Variants in KRT39 observed in about 807,000 individuals in gnomAD.
KRT39 encodes keratin 39.
Under a neutral mutation model 54.8 loss-of-function variants are expected in KRT39, and 47 were observed. The observed-to-expected ratio is 0.86, with a 90% CI of 0.68 to 1.09. The LOEUF (loss-of-function observed/expected upper bound fraction) is 1.09, where lower values mean the gene tolerates loss of function less well. Among genes scored for constraint, KRT39 ranks in the 50% least tolerant of loss-of-function variants. The pLI is 0.00. For missense variants in KRT39, 580 were observed against 598.5 expected (o/e 0.97, Z 0.32); for synonymous variants, 207 against 227.9 (o/e 0.91, Z 0.83).
In KRT39 at chr17:40,966,711, TG is replaced by T; in HGVS notation, c.145del (p.His49ThrfsTer24). 6.2e-7 allele frequency: 1 copy of T among 1,614,232 alleles called. No homozygotes were observed. Among genetic ancestry groups the T allele is most frequent in the Non-Finnish European group, 8.5e-7 (1 of 1,180,042 alleles). ...LTVNNCQPAG[H>X]VLRIPWDQGC... ...CTGGTCCCAGGGAATTCTGAGAACGTGGCCAGCTGGTTGACAGTTGTTGACT... is the reference window on the plus strand; with the variant it reads ...CTGGTCCCAGGGAATTCTGAGAACGTGCCAGCTGGTTGACAGTTGTTGACT... On this transcript the variant is annotated frameshift_variant, in exon 1 of 7. Coordinates refer to ENST00000355612, the MANE Select transcript of KRT39 (RefSeq NM_213656.4). LOFTEE classifies it high-confidence loss of function.
At chr17:40,959,171 A>G (rs1416596009) in intron 6 of KRT39, among the ~76,000 whole-genome samples, 1 of 152,238 alleles carries the variant, frequency 6.6e-6, no homozygotes, top group East Asian at 1.9e-4. Context: ...GTCCTTTACC[A>G]GCTGGTGACC....
In KRT39 at chr17:40,962,284, C is replaced by T. The variant is rs375860413; in HGVS notation, c.874G>A (p.Glu292Lys). The T allele has an allele frequency of 6.2e-7, 1 of 1,614,146 alleles. No homozygotes were observed. Among genetic ancestry groups the T allele is most frequent in the Non-Finnish European group, 8.5e-7 (1 of 1,180,014 alleles). ...GTCACCACTTGTTGATTCAGCTCCT[C>T]TATCTGAAACACACAGCCAGAGACT... ...DVEQWFNTQI[E>K]ELNQQVVTSS... Residue 292 changes from glutamate (E) to lysine (K), a missense_variant, in exon 5 of 7, where the codon GAG becomes AAG. Transcript: ENST00000355612.
chr17:40,960,202 C>G, intron 6 of KRT39, 79 bp downstream of exon 6: 1 of 1,263,234 alleles, frequency 7.9e-7, no homozygotes, highest in Non-Finnish European at 1.1e-6. Flanking sequence ...AAGCACTTGA[C>G]CCCTGTTGCC....
At chr17:40,965,772 A>G (rs959736640) in intron 1 of KRT39, among the ~76,000 whole-genome samples, 2 of 152,176 alleles carry the variant, frequency 1.3e-5, no homozygotes, top group African/African-American at 4.8e-5. Flanking sequence ...CTGTTTCCCT[A>G]TTTTTATTTA....
Position 40,958,699 on chromosome 17 carries a change from T to G in KRT39, c.1378A>C (p.Lys460Gln), listed in dbSNP as rs747942876. The change falls in exon 7 of 7, where the codon AAA becomes CAA. Residue 460 changes from lysine to glutamine, a missense_variant. Physicochemically the swap from Lys to Gln is moderately conservative, Grantham distance 53. Coordinates refer to ENST00000355612, the MANE Select transcript of KRT39 (RefSeq NM_213656.4). ...ACGPLSRILVKICTITKEIKD... is the reference protein window; with the variant it reads ...ACGPLSRILVQICTITKEIKD... ...ATCTCCTTGGTGATGGTGCAAATTT[T>G]AACCAGTATCCGGGACAGGGGTCCG... The G allele has an allele frequency of 6.8e-6, 11 of 1,614,018 alleles. 1 individual carries two copies. The South Asian group carries it at 1.1e-4, about 16-fold the overall frequency.
chr17:40,959,318 G>A (rs1911040864), intron 6 of KRT39, among the ~76,000 whole-genome samples: 1 of 152,190 alleles, frequency 6.6e-6, no homozygotes, highest in Non-Finnish European at 1.5e-5. Context: ...AAATTAACCA[G>A]ATATTTTTCT....
intron 5 of KRT39, 82 bp from the exon 6 acceptor site, chr17:40,960,583 G>T (rs890961844): frequency 9.5e-7 from 1 of 1,053,970 alleles, no homozygotes. Flanking sequence ...TAAAAAAAAT[G>T]GTTTCTTTGT....
At position 40,962,463 on chromosome 17, in the gene KRT39, C is replaced by T. The variant is rs775415813; in HGVS notation, c.809G>A (p.Cys270Tyr). The change falls in exon 4 of 7, where the codon TGT becomes TAT. Residue 270 changes from cysteine to tyrosine, a missense_variant. Physicochemically the swap from Cys to Tyr is radical, Grantham distance 194. Coordinates refer to ENST00000355612, the MANE Select transcript of KRT39 (RefSeq NM_213656.4). The part of the protein sequence containing the change: ...DLNQVLQEMR[C>Y]QYEPIMETNR... ...TGTCTCCATGATGGGCTCATATTGA[C>T]ATCTCATTTCTTGTAGAACCTGGTT... The T allele has an allele frequency of 4.3e-6, 7 of 1,614,180 alleles. No homozygotes were observed. The highest frequency in any genetic ancestry group is 5.9e-6 in the Non-Finnish European group (7 of 1,180,032).
Position 40,966,652 on chromosome 17 carries a change from G to T in KRT39, c.205C>A (p.Pro69Thr), listed in dbSNP as rs1308090966. 2 of 1,614,106 alleles carry T rather than the reference G, an allele frequency of 1.2e-6. No individual in the cohort carries two copies. Among genetic ancestry groups the T allele is most frequent in the Non-Finnish European group, 1.7e-6 (2 of 1,180,044 alleles). ...CQPTPRFCRKPIYLMNNFNAR... is the reference protein window; with the variant it reads ...CQPTPRFCRKTIYLMNNFNAR... ...TTGAAGTTGTTCATTAGGTAGATGG[G>T]CTTGCGACAAAAGCGAGGAGTGGGT... The change falls in exon 1 of 7, where the codon CCC (proline) becomes ACC (threonine). Residue 69 changes from proline (P) to threonine (T), a missense_variant. Physicochemically the swap from Pro to Thr is conservative, Grantham distance 38. Coordinates refer to ENST00000355612, the MANE Select transcript of KRT39 (RefSeq NM_213656.4).
At chr17:40,964,342 T>C in intron 2 of KRT39, 104 bp downstream of exon 2, 1 of 890,344 alleles carries the variant, frequency 1.1e-6, no homozygotes. Flanking sequence ...GCCAACATCA[T>C]CTGGGGCAAG....
chr17:40,960,573 T>TA (rs377435436), intron 5 of KRT39, 72 bp from the exon 6 acceptor site: 71 of 1,122,466 alleles, frequency 6.3e-5, no homozygotes, highest in South Asian at 1.8e-4. Context: ...CTGTATCATT[T>TA]AAAAAAAATG....
intron 6 of KRT39, 84 bp from the exon 7 acceptor site, chr17:40,958,943 T>C (rs1036127048): frequency 7.6e-7 from 1 of 1,315,040 alleles, no homozygotes; most frequent in Non-Finnish European, 1.0e-6. Context: ...CTAATTTTTT[T>C]AACACGTGTT....
Position 40,960,306 on chromosome 17 carries a change from T to A in KRT39, c.1192A>T (p.Ser398Cys), listed in dbSNP as rs1473287123. 2 of 1,613,360 alleles carry A rather than the reference T, an allele frequency of 1.2e-6. No homozygotes were observed. The highest frequency in any genetic ancestry group is 1.7e-6 in the Non-Finnish European group (2 of 1,180,004). ...TTGCCATCCGAGCTCTCCAGAAGGC[T>A]GCGGTATGTGGTAATCTCACATTCC... Reference protein sequence around the residue: ...RLECEITTYRSLLESSDGKRP... With the variant: ...RLECEITTYRCLLESSDGKRP... The change falls in exon 6 of 7, where the codon AGC (serine) becomes TGC (cysteine). Residue 398 changes from serine (S) to cysteine (C), a missense_variant. Ser to Cys is a moderately radical substitution (Grantham distance 112). Transcript: ENST00000355612.
At position 40,964,290 on chromosome 17, in the gene KRT39, T is replaced by C. The variant is rs17843019; in HGVS notation, c.551+156A>G. 0.045 allele frequency: 30,516 copies of C among 681,736 alleles called. 1,486 individuals carry two copies. The highest frequency in any genetic ancestry group is 0.17 in the East Asian group (6,770 of 39,506). The allele number at this position is 681,736 out of a possible 1,614,324, so 42.2% of individuals were successfully genotyped here. A position where few individuals can be genotyped will look rare whatever the true frequency, so the allele number is the denominator to read the frequency against. ...CTGTATACATGTGAGCAGTTATTAA[T>C]CTTAATCATTCATTGAATTTGAAAG... On this transcript the variant is annotated intron_variant, in intron 2 of 6. Coordinates refer to ENST00000355612, the MANE Select transcript of KRT39 (RefSeq NM_213656.4).
At chr17:40,966,291 A>G (rs1026361547) in intron 1 of KRT39, 98 bp downstream of exon 1, 162 of 978,056 alleles carry the variant, frequency 1.7e-4, no homozygotes, top group Non-Finnish European at 2.3e-4. Flanking sequence ...AAAAATTTTC[A>G]GCATCAACTG....
At chr17:40,960,244 A>T in intron 6 of KRT39, 37 bp downstream of exon 6, 1 of 1,574,190 alleles carries the variant, frequency 6.4e-7, no homozygotes, top group Non-Finnish European at 8.7e-7. Context: ...GTTCATTTAC[A>T]CTTTTTTGTC....
In KRT39 at chr17:40,964,513, C is replaced by G. The variant is rs1443906438; in HGVS notation, c.484G>C (p.Ala162Pro). 12 of 1,612,258 alleles carry G rather than the reference C, an allele frequency of 7.4e-6. No homozygotes were observed. Among genetic ancestry groups the G allele is most frequent in the African/African-American group, 1.3e-5 (1 of 74,858 alleles). Residue 162 changes from alanine to proline, a missense_variant, in exon 2 of 7, where the codon GCC becomes CCC. Transcript: ENST00000355612. ...ELQQKILCTK[A>P]ENSRLVSQID... is the part of the protein sequence containing the mutation. ...TGCGAGACCAGTCTGGAATTCTCGGCCTTGGTACACAAGATCTAGAATTAA... is the reference window on the plus strand; with the variant it reads ...TGCGAGACCAGTCTGGAATTCTCGGGCTTGGTACACAAGATCTAGAATTAA...
At chr17:40,963,857 C>A in intron 2 of KRT39, 74 bp from the exon 3 acceptor site, 1 of 1,242,220 alleles carries the variant, frequency 8.1e-7, no homozygotes. Flanking sequence ...GAACTCTCAT[C>A]TGCATTTTGC....
chr17:40,963,659 C>T lies in KRT39; in HGVS notation c.676G>A (p.Glu226Lys), dbSNP rs140648236. ...LEAQVQSLKE[E>K]LLCLKNNHKE... Reference sequence around the variant, plus strand: ...TGGTTGTTCTTGAGGCAAAGGAGCTCCTCTTTCAGAGACTGGACTTGTGCC... The same window carrying T: ...TGGTTGTTCTTGAGGCAAAGGAGCTTCTCTTTCAGAGACTGGACTTGTGCC... The change falls in exon 3 of 7, where the codon GAG becomes AAG. Residue 226 changes from glutamate (E) to lysine (K), a missense_variant. Glu to Lys is a moderately conservative substitution (Grantham distance 56). Transcript: ENST00000355612. 73 of 1,609,240 alleles carry T rather than the reference C, an allele frequency of 4.5e-5. No individual in the cohort carries two copies. The Middle Eastern group carries it at 5.0e-4, about 11-fold the overall frequency.
Sources: gnomAD v4.1 joint callset for allele counts (sites outside exome capture counted in the v4.1 genomes callset) on GRCh38, gnomAD v4.1.1 for gene constraint, MANE v1.5 for transcripts, NCBI Gene and HGNC (gene_info 2026-07-23, HGNC 2026-07-21) for gene names.